The following NFKB1 variants were observed in gnomAD, a reference collection of about 807,000 sequenced individuals.
The protein encoded by NFKB1 is nuclear factor NF-kappa-B p105 subunit.
In NFKB1, 9 loss-of-function variants were observed where a neutral mutation model predicts 105.1. The observed-to-expected ratio is 0.09, with a 90% CI of 0.05 to 0.15. The LOEUF (loss-of-function observed/expected upper bound fraction) is 0.15, where lower values mean the gene tolerates loss of function less well. Among genes scored for constraint, NFKB1 ranks in the 10% least tolerant of loss-of-function variants. The probability of loss-of-function intolerance (pLI) is 1.00; values close to 1 mark genes in which losing one functional copy is unlikely to be tolerated. For missense variants in NFKB1, 830 were observed against 1,203.7 expected, an observed-to-expected ratio of 0.69 and a Z score of 4.59; for synonymous variants, 440 against 442.2, an observed-to-expected ratio of 1.00 and a Z score of 0.06.
chr4:102,607,659 A>G lies in NFKB1; in HGVS notation c.2135A>G (p.His712Arg), dbSNP rs1727927122. 1.2e-6 allele frequency: 2 copies of G among 1,614,112 alleles called. No individual in the cohort carries two copies. Among genetic ancestry groups the G allele is most frequent in the Non-Finnish European group, 1.7e-6 (2 of 1,179,990 alleles). The change falls in exon 19 of 24, where the codon CAT becomes CGT. Residue 712 changes from histidine (H) to arginine (R), a missense_variant. His to Arg is a conservative substitution (Grantham distance 29, BLOSUM62 0). Coordinates refer to ENST00000226574, the MANE Select transcript of NFKB1 (RefSeq NM_003998.4). Reference protein sequence around the residue: ...AGCLLLEGDAHVDSTTYDGTT... With the variant: ...AGCLLLEGDARVDSTTYDGTT... ...TGGGCTGGATTGTAGGGTGATGCCC[A>G]TGTGGACAGTACTACCTACGATGGA... is the stretch of plus-strand genomic sequence containing the variant.
At chr4:102,520,950 T>A (rs1032433456) in intron 1 of NFKB1, among the ~76,000 whole-genome samples, 4 of 152,172 alleles carry the variant, frequency 2.6e-5, no homozygotes, top group African/African-American at 9.6e-5. Context: ...ATGTTTCTAA[T>A]TACATAATTC....
At chr4:102,568,255 T>A (rs1386573404) in intron 6 of NFKB1, among the ~76,000 whole-genome samples, 2 of 152,070 alleles carry the variant, frequency 1.3e-5, no homozygotes, top group African/African-American at 4.8e-5. Flanking sequence ...AGCTTTCTTT[T>A]AAGTCACTAA....
Position 102,525,665 on chromosome 4 carries a change from A to C in NFKB1, c.39+108A>C, listed in dbSNP as rs1323353274. 3 of 1,027,450 alleles carry C rather than the reference A, an allele frequency of 2.9e-6. No homozygotes were observed. In the African/African-American group the frequency reaches 5.1e-5, roughly 17 times the overall value. 63.6% of individuals were successfully genotyped at this position (1,027,450 alleles called of 1,614,324 possible). On this transcript the variant is annotated intron_variant, in intron 2 of 23. Transcript: ENST00000226574. Reference sequence around the variant, plus strand: ...CATTAGGAAAATTCTAAAATTAGTAAATTTTTTTTTAATTTCAGTTTCTCT... The same window carrying C: ...CATTAGGAAAATTCTAAAATTAGTACATTTTTTTTTAATTTCAGTTTCTCT...
chr4:102,590,571 A>G (rs1268556783), intron 11 of NFKB1, among the ~76,000 whole-genome samples: 1 of 120,210 alleles, frequency 8.3e-6, no homozygotes, highest in Non-Finnish European at 1.7e-5. Flanking sequence ...TGATCTGTGA[A>G]CAGTGATCTT....
At chr4:102,607,557 A>G (rs1220128591) in intron 18 of NFKB1, 92 bp from the exon 19 acceptor site, 1 of 1,349,036 alleles carries the variant, frequency 7.4e-7, no homozygotes, top group African/African-American at 1.4e-5. Flanking sequence ...TGGGCTAGTA[A>G]TAGGACCCAA....
chr4:102,538,013 A>T, intron 5 of NFKB1, 57 bp downstream of exon 5: 1 of 1,090,904 alleles, frequency 9.2e-7, no homozygotes, highest in Admixed American at 1.7e-5. Flanking sequence ...ATTTCCTACG[A>T]TTTCCAAGGA....
intron 5 of NFKB1, among the ~76,000 whole-genome samples, chr4:102,554,804 A>C (rs1028538583): frequency 6.6e-6 from 1 of 152,160 alleles, no homozygotes; most frequent in African/African-American, 2.4e-5. Context: ...TTTTACCTAG[A>C]GCCAACCCTT....
chr4:102,572,309 G>A (rs1348561499), intron 6 of NFKB1, among the ~76,000 whole-genome samples: 2 of 131,268 alleles, frequency 1.5e-5, no homozygotes, highest in Non-Finnish European at 3.2e-5. Flanking sequence ...ACAGGGTGGG[G>A]AATATCACAC....
At chr4:102,542,743 A>G (rs1742089349) in intron 5 of NFKB1, among the ~76,000 whole-genome samples, 1 of 152,228 alleles carries the variant, frequency 6.6e-6, no homozygotes, top group South Asian at 2.1e-4. Flanking sequence ...GCTCCTTTTC[A>G]GGGCAAACAT....
At chr4:102,519,357 T>C (rs964596806) in intron 1 of NFKB1, among the ~76,000 whole-genome samples, 1 of 147,826 alleles carries the variant, frequency 6.8e-6, no homozygotes, top group Non-Finnish European at 1.5e-5. Flanking sequence ...TATATAGTTT[T>C]AATATGTAAG....
chr4:102,548,030 A>G (rs1469102625), intron 5 of NFKB1, among the ~76,000 whole-genome samples: 3 of 152,144 alleles, frequency 2.0e-5, no homozygotes, highest in Non-Finnish European at 4.4e-5. Context: ...CACCCCTTCC[A>G]TAATCAGGAG....
chr4:102,546,387 A>G (rs1014290497), intron 5 of NFKB1, among the ~76,000 whole-genome samples: 4 of 152,108 alleles, frequency 2.6e-5, no homozygotes, highest in African/African-American at 9.7e-5. Flanking sequence ...CTCAAACCTT[A>G]CTACCCATAA....
chr4:102,503,403 G>A (rs893383030), intron 1 of NFKB1: 2 of 151,912 alleles, frequency 1.3e-5, no homozygotes, highest in African/African-American at 4.8e-5. Flanking sequence ...AGGAACACAC[G>A]TTATATGTAC....
intron 9 of NFKB1, 50 bp from the exon 10 acceptor site, chr4:102,582,816 A>AGTCC: frequency 2.5e-6 from 3 of 1,202,198 alleles, no homozygotes; most frequent in Non-Finnish European, 3.6e-6. Context: ...ATGTTTATAA[A>AGTCC]TACTATTTAC....
At chr4:102,590,471 A>G (rs983309294) in intron 11 of NFKB1, among the ~76,000 whole-genome samples, 5 of 152,066 alleles carry the variant, frequency 3.3e-5, no homozygotes, top group African/African-American at 7.2e-5. Flanking sequence ...CATTTTTCCC[A>G]CAGCATGTAC....
intron 5 of NFKB1, 53 bp downstream of exon 5, chr4:102,538,009 T>C: frequency 8.7e-7 from 1 of 1,148,902 alleles, no homozygotes; most frequent in Non-Finnish European, 1.3e-6. Context: ...TTTGATTTCC[T>C]ACGATTTCCA....
chr4:102,502,390 G>GCGCGCACACACACACACACACACA (rs1311577382), intron 1 of NFKB1, among the ~76,000 whole-genome samples: 2 of 105,392 alleles, frequency 1.9e-5, no homozygotes, highest in African/African-American at 8.3e-5. Flanking sequence ...GCGCGCGCGC[G>GCGCGCACACACACACACACACACA]CACACACACA....
chr4:102,549,344 C>A (rs1722391748), intron 5 of NFKB1, among the ~76,000 whole-genome samples: 2 of 148,720 alleles, frequency 1.3e-5, no homozygotes, highest in Admixed American at 6.7e-5. Flanking sequence ...GTTTTATATA[C>A]ATAAAATAAT....
At chr4:102,573,950 T>C (rs1724596188) in intron 6 of NFKB1, among the ~76,000 whole-genome samples, 1 of 152,004 alleles carries the variant, frequency 6.6e-6, no homozygotes, top group African/African-American at 2.4e-5. Flanking sequence ...TTTCTGATCA[T>C]ATGGAATATA....
Sources: gnomAD v4.1 joint callset for allele counts (sites outside exome capture counted in the v4.1 genomes callset) on GRCh38, gnomAD v4.1.1 for gene constraint, MANE v1.5 for transcripts, NCBI Gene and HGNC (gene_info 2026-07-23, HGNC 2026-07-21) for gene names.